Variants in LLGL1 observed in about 807,000 individuals in gnomAD.
The protein encoded by LLGL1 is lethal(2) giant larvae protein homolog 1.
Under a neutral mutation model 110.6 loss-of-function variants are expected in LLGL1, and 58 were observed. The ratio of observed to expected loss-of-function variants is 0.52; its 90% CI spans 0.42 to 0.65. The LOEUF (loss-of-function observed/expected upper bound fraction) is 0.65. Among genes scored for constraint, LLGL1 ranks in the 30% least tolerant of loss-of-function variants. The pLI, the probability that LLGL1 is intolerant of heterozygous loss-of-function variation, is 0.00. For missense variants in LLGL1, 1,229 were observed against 1,462.1 expected (o/e 0.84, Z 2.60); for synonymous variants, 674 against 607.2 (o/e 1.11, Z -1.62).
At chr17:18,241,805 G>A in intron 18 of LLGL1, 80 bp from the exon 19 acceptor site, 1 of 1,607,766 alleles carries the variant, frequency 6.2e-7, no homozygotes, top group Non-Finnish European at 8.5e-7. Context: ...GGCACTCCAG[G>A]TGGGCACAGG....
rs1158643631 is a variant in LLGL1 at position 18,235,232 on chromosome 17, G to T, written c.1204G>T (p.Ala402Ser). 4.3e-6 allele frequency: 7 copies of T among 1,610,686 alleles called. No homozygotes were observed. The highest frequency in any genetic ancestry group is 5.9e-6 in the Non-Finnish European group (7 of 1,180,020). Residue 402 changes from alanine to serine, a missense_variant, in exon 10 of 23, where the codon GCC (alanine) becomes TCC (serine). Physicochemically the swap from Ala to Ser is moderately conservative, Grantham distance 99 (BLOSUM62 1). Coordinates refer to ENST00000316843, the MANE Select transcript of LLGL1 (RefSeq NM_004140.4). ...TGCAATCACTTGCTCGGCCCACGTG[G>T]CCAGTGTCCCCGCCAAGCTGTGGGC... ...SSAITCSAHV[A>S]SVPAKLWARI... is the part of the protein sequence containing the mutation.
Position 18,242,612 on chromosome 17 carries a change from GT to G in LLGL1, c.3101del (p.Val1034GlyfsTer15). 1.2e-6 allele frequency: 2 copies of G among 1,612,786 alleles called. No homozygotes were observed. The highest frequency in any genetic ancestry group is 1.7e-6 in the Non-Finnish European group (2 of 1,179,314). On this transcript the variant is annotated frameshift_variant, in exon 21 of 23. Coordinates refer to ENST00000316843, the MANE Select transcript of LLGL1 (RefSeq NM_004140.4). LOFTEE classifies it high-confidence loss of function. ...DTTGDVTVED[V>X]KDFLGSSEES... ...GACAGGGGACGTCACAGTGGAAGATGTGAAGGATTTCCTGGGGTGAGGCTGG... is the reference window on the plus strand; with the variant it reads ...GACAGGGGACGTCACAGTGGAAGATGGAAGGATTTCCTGGGGTGAGGCTGG...
chr17:18,242,169 C>T lies in LLGL1; in HGVS notation c.2886C>T (p.Tyr962=), dbSNP rs201135978. 121 of 1,613,476 alleles carry T rather than the reference C, an allele frequency of 7.5e-5. No individual in the cohort carries two copies. The highest frequency in any genetic ancestry group is 9.6e-5 in the Non-Finnish European group (113 of 1,179,512). The change falls in exon 20 of 23, where the codon TAC becomes TAT. Residue 962 remains tyrosine, a synonymous_variant. Transcript: ENST00000316843. ...CATCATGGCCCCATCTCTGCAGTTA[C>T]AGGATCCGAGAGTCACCCAAGCTGA... is the stretch of plus-strand genomic sequence containing the variant. ...NWPRDATQAS[Y]RIRESPKLSQ... is the part of the protein sequence containing the mutation.
chr17:18,237,711 T>C lies in LLGL1; in HGVS notation c.1842T>C (p.Ala614=). Residue 614 remains alanine (A), a synonymous_variant, in exon 14 of 23, where the codon GCT becomes GCC. Coordinates refer to ENST00000316843, the MANE Select transcript of LLGL1 (RefSeq NM_004140.4). ...TCCACACCGAGTGGAGCCTCGTGGC[T>C]TTTGGCACCAGTCATGGCTTTGGCC... is the stretch of plus-strand genomic sequence containing the variant. ...VTLHTEWSLV[A]FGTSHGFGLF... 1 of 1,612,996 alleles carries C rather than the reference T, an allele frequency of 6.2e-7. No homozygotes were observed. Among genetic ancestry groups the C allele is most frequent in the South Asian group, 1.1e-5 (1 of 91,070 alleles).
chr17:18,237,821 G>A, intron 14 of LLGL1, 48 bp downstream of exon 14: 1 of 1,554,780 alleles, frequency 6.4e-7, no homozygotes, highest in Non-Finnish European at 8.7e-7. Context: ...CAGCGAGATG[G>A]GGTCTGGGCT....
Position 18,225,752 on chromosome 17 carries a change from G to C in LLGL1, c.70G>C (p.Ala24Pro). 9.8e-7 allele frequency: 1 copy of C among 1,021,694 alleles called. No individual in the cohort carries two copies. The highest frequency in any genetic ancestry group is 1.2e-6 in the Non-Finnish European group (1 of 846,818). 63.3% of individuals were successfully genotyped at this position (1,021,694 alleles called of 1,614,324 possible). The stretch of plus-strand genomic sequence containing the variant: ...CGAGAAGCTCAAGCAGGAGCTTTTC[G>C]CCTTCAACAAGGTGCGGCGGCGGCC... ...QREKLKQELF[A>P]FNKTVEHGFP... The change falls in exon 1 of 23, where the codon GCC becomes CCC. Residue 24 changes from alanine (A) to proline (P), a missense_variant. Physicochemically the swap from Ala to Pro is conservative, Grantham distance 27 (BLOSUM62 -1). Coordinates refer to ENST00000316843, the MANE Select transcript of LLGL1 (RefSeq NM_004140.4).
intron 1 of LLGL1, among the ~76,000 whole-genome samples, chr17:18,226,165 A>G (rs1203305584): frequency 5.3e-5 from 8 of 150,296 alleles, no homozygotes; most frequent in Non-Finnish European, 1.2e-4. Context: ...GCCCCTTCCT[A>G]TCTCTGCCTG....
rs1278439187 is a variant in LLGL1, at chr17:18,237,617, G to A, written c.1748G>A (p.Trp583Ter). 1 of 1,611,466 alleles carries A rather than the reference G, an allele frequency of 6.2e-7. No homozygotes were observed. The highest frequency in any genetic ancestry group is 8.5e-7 in the Non-Finnish European group (1 of 1,179,880). ...AGCCCACGCACGGGGCCGCTGCCCT[G>A]GCCTGCTGGCTTCCAGCCCCGTGTC... is the stretch of plus-strand genomic sequence containing the variant. ...RLSPRTGPLP[W>*]PAGFQPRVLV... Residue 583 changes from tryptophan to a stop codon, truncating the protein, a stop_gained, in exon 14 of 23, where the codon TGG becomes TAG. Coordinates refer to ENST00000316843, the MANE Select transcript of LLGL1 (RefSeq NM_004140.4). LOFTEE classifies it high-confidence loss of function.
chr17:18,230,533 A>G (rs1012738107), intron 2 of LLGL1, among the ~76,000 whole-genome samples: 1 of 150,448 alleles, frequency 6.6e-6, no homozygotes, highest in Non-Finnish European at 1.5e-5. Context: ...TGGCTGCTGC[A>G]CAATGGGCTG....
chr17:18,237,434 G>A (rs376147365), intron 13 of LLGL1, 47 bp from the exon 14 acceptor site: 1,109 of 1,489,120 alleles, frequency 7.4e-4, no homozygotes, highest in Non-Finnish European at 9.4e-4. Context: ...GGCCCAGGGC[G>A]GCCCCTCCCC....
At chr17:18,227,784 G>T (rs1357598821) in intron 1 of LLGL1, among the ~76,000 whole-genome samples, 1 of 152,232 alleles carries the variant, frequency 6.6e-6, no homozygotes, top group Non-Finnish European at 1.5e-5. Context: ...TAGCCTTGGG[G>T]TGGCGGAAAG....
Position 18,238,225 on chromosome 17 carries a change from G to A in LLGL1, c.2052+11G>A. ...AATGCCAGCAGCAAGGTGAGCTGGG[G>A]TGGGCTGCACAGGAGCTGTGCCTGT... is the stretch of plus-strand genomic sequence containing the variant. On this transcript the variant is annotated intron_variant, in intron 15 of 22. Coordinates refer to ENST00000316843, the MANE Select transcript of LLGL1 (RefSeq NM_004140.4). The A allele has an allele frequency of 2.5e-6, 4 of 1,609,580 alleles. No individual in the cohort carries two copies. The highest frequency in any genetic ancestry group is 1.3e-5 in the African/African-American group (1 of 75,062).
chr17:18,237,462 T>G lies in LLGL1; in HGVS notation c.1612-19T>G, dbSNP rs1441492929. ...CCCTCCCCTGCGCTGATGCTCCCCC[T>G]GCCTGGCTGTGGGCTCAGGTGCTGG... On this transcript the variant is annotated intron_variant, in intron 13 of 22. Transcript: ENST00000316843. 6.4e-7 allele frequency: 1 copy of G among 1,556,088 alleles called. No individual in the cohort carries two copies. The highest frequency in any genetic ancestry group is 8.7e-7 in the Non-Finnish European group (1 of 1,147,396).
rs9896725 is a variant in LLGL1, at chr17:18,242,979, A to T, written c.*1+157A>T. Among the ~76,000 whole-genome samples, 111 of 152,322 alleles carry T rather than the reference A, an allele frequency of 7.3e-4. 1 individual carries two copies. Among genetic ancestry groups the T allele is most frequent in the African/African-American group, 2.4e-3 (99 of 41,580 alleles). Reference sequence around the variant, plus strand: ...TGGCTGCCTTCCATGGAGTGCCTCAATTGGGGACTTCTGGTGCTCACACAG... The same window carrying T: ...TGGCTGCCTTCCATGGAGTGCCTCATTTGGGGACTTCTGGTGCTCACACAG... On this transcript the variant is annotated intron_variant, in intron 22 of 22. Transcript: ENST00000316843.
rs772086598 is a variant in LLGL1 at position 18,238,612 on chromosome 17, AAGGCAG to A, written c.2206+4_2206+9del. 1.5e-4 allele frequency: 249 copies of A among 1,610,396 alleles called. No individual in the cohort carries two copies. The highest frequency in any genetic ancestry group is 2.0e-4 in the Non-Finnish European group (240 of 1,179,048). On this transcript the variant is annotated splice_donor_5th_base_variant and intron_variant, in intron 16 of 22. Coordinates refer to ENST00000316843, the MANE Select transcript of LLGL1 (RefSeq NM_004140.4). The stretch of plus-strand genomic sequence containing the variant: ...TGCCGACACATTCCTTCGAGATGGT[AAGGCAG>A]GGGCAGGGGCAGGGACAGGGCAAGG...
At chr17:18,230,073 C>G (rs776887896) in intron 2 of LLGL1, 35 bp downstream of exon 2, 3 of 1,502,144 alleles carry the variant, frequency 2.0e-6, no homozygotes, top group Admixed American at 3.4e-5. Context: ...AGGGTCTGTT[C>G]AGGACCACCT....
rs150688696 is a variant in LLGL1, at chr17:18,234,913, G to A, written c.980G>A (p.Arg327Gln). ...GACCGCCACTGTGTAAGTGTGCTTC[G>A]AGCCGAGACATTGGTGACGCTGGAC... ...YGDRHCVSVL[R>Q]AETLVTLDFT... The change falls in exon 9 of 23, where the codon CGA becomes CAA. Residue 327 changes from arginine (R) to glutamine (Q), a missense_variant. Arg to Gln is a conservative substitution (Grantham distance 43). Transcript: ENST00000316843. 17 of 1,613,964 alleles carry A rather than the reference G, an allele frequency of 1.1e-5. No homozygotes were observed. The highest frequency in any genetic ancestry group is 1.6e-4 in the Middle Eastern group (1 of 6,084).
intron 1 of LLGL1, among the ~76,000 whole-genome samples, chr17:18,227,251 A>G (rs901048922): frequency 6.6e-6 from 1 of 151,986 alleles, no homozygotes; most frequent in Non-Finnish European, 1.5e-5. Flanking sequence ...CCTGCTAGGA[A>G]CCTGAGAGGG....
At chr17:18,237,192 A>G in intron 13 of LLGL1, 1 of 595,460 alleles carries the variant, frequency 1.7e-6, no homozygotes, top group Non-Finnish European at 3.0e-6. Context: ...GGAGGTGCTC[A>G]ATGTGTCCTT....
Sources: gnomAD v4.1 joint callset for allele counts (sites outside exome capture counted in the v4.1 genomes callset) on GRCh38, gnomAD v4.1.1 for gene constraint, MANE v1.5 for transcripts, NCBI Gene and HGNC (gene_info 2026-07-23, HGNC 2026-07-21) for gene names.